DIAPH2: variants seen among roughly 807,000 people sequenced by gnomAD.
The protein encoded by DIAPH2 is diaphanous related formin 2, also known as protein diaphanous homolog 2.
Under a neutral mutation model 92.7 loss-of-function variants are expected in DIAPH2, and 35 were observed. The ratio of observed to expected loss-of-function variants is 0.38; its 90% CI spans 0.29 to 0.50. The LOEUF (loss-of-function observed/expected upper bound fraction) is 0.50. Ranked by LOEUF, DIAPH2 falls within the 20% of genes least tolerant of loss-of-function variation. The probability of loss-of-function intolerance (pLI) is 0.94; values close to 1 mark genes in which losing one functional copy is unlikely to be tolerated. For synonymous variants in DIAPH2, 301 were observed against 280.4 expected (o/e 1.07, Z -0.73); for missense variants, 701 against 819.5 (o/e 0.86, Z 1.77).
At chrX:97,403,158 G>T (rs1322258649) in intron 25 of DIAPH2, among the ~76,000 whole-genome samples, 2 of 111,923 alleles carry the variant, frequency 1.8e-5, no homozygotes, top group African/African-American at 6.5e-5. Context: ...AATGAGAGAA[G>T]CAAAATGTGC....
intron 22 of DIAPH2, among the ~76,000 whole-genome samples, chrX:97,198,317 C>CAT (rs1314085737): frequency 5.1e-5 from 5 of 98,315 alleles, no homozygotes; most frequent in African/African-American, 8.9e-5. Context: ...TGTGTATATA[C>CAT]ATATATATAT....
intron 21 of DIAPH2, among the ~76,000 whole-genome samples, chrX:97,131,486 T>G (rs1049790352): frequency 8.9e-6 from 1 of 111,769 alleles, no homozygotes; most frequent in Admixed American, 9.5e-5. Flanking sequence ...TTATCTACAG[T>G]GTATAGACAG....
At chrX:97,158,049 A>G (rs1425782296) in intron 22 of DIAPH2, among the ~76,000 whole-genome samples, 2 of 111,931 alleles carry the variant, frequency 1.8e-5, no homozygotes, top group East Asian at 5.6e-4. Context: ...AGTTTATTAT[A>G]TATCAAAAGA....
intron 17 of DIAPH2, among the ~76,000 whole-genome samples, chrX:97,025,351 C>CAAA (rs2066325044): frequency 1.0e-5 from 1 of 96,782 alleles, no homozygotes; most frequent in Non-Finnish European, 2.1e-5. Flanking sequence ...CTCTGTCTCA[C>CAAA]ACACAAAAAA....
intron 4 of DIAPH2, among the ~76,000 whole-genome samples, chrX:96,771,473 T>A (rs1013392160): frequency 1.8e-5 from 2 of 111,755 alleles, no homozygotes; most frequent in Non-Finnish European, 3.8e-5. Flanking sequence ...ACTGGATTGG[T>A]TTATTTTACT....
At chrX:96,939,631 C>T (rs1178883378) in intron 12 of DIAPH2, among the ~76,000 whole-genome samples, 1 of 79,157 alleles carries the variant, frequency 1.3e-5, no homozygotes, top group East Asian at 3.9e-4. Flanking sequence ...CACACACACA[C>T]ACACACAGGG....
At chrX:97,522,232 G>A (rs922091955) in intron 26 of DIAPH2, among the ~76,000 whole-genome samples, 1 of 112,124 alleles carries the variant, frequency 8.9e-6, no homozygotes, top group African/African-American at 3.2e-5. Flanking sequence ...TTCTATTCCT[G>A]TATGTGATAA....
intron 4 of DIAPH2, among the ~76,000 whole-genome samples, chrX:96,760,544 G>A (rs903853831): frequency 9.0e-6 from 1 of 110,776 alleles, no homozygotes; most frequent in African/African-American, 3.3e-5. Flanking sequence ...CATTTTCCCC[G>A]TTTAACACCT....
At chrX:97,547,712 G>C (rs1458549867) in intron 26 of DIAPH2, among the ~76,000 whole-genome samples, 1 of 111,636 alleles carries the variant, frequency 9.0e-6, no homozygotes, top group Non-Finnish European at 1.9e-5. Flanking sequence ...ACACTTTTTT[G>C]TATCAATGTG....
chrX:96,944,714 G>C (rs1479315536), intron 13 of DIAPH2, among the ~76,000 whole-genome samples: 1 of 111,628 alleles, frequency 9.0e-6, no homozygotes, highest in Non-Finnish European at 1.9e-5. Flanking sequence ...TGTATCAATA[G>C]TTCATTCCTT....
intron 4 of DIAPH2, among the ~76,000 whole-genome samples, chrX:96,805,451 T>A (rs1359462369): frequency 9.0e-6 from 1 of 111,044 alleles, no homozygotes; most frequent in Non-Finnish European, 1.9e-5. Flanking sequence ...TTTTTTTACT[T>A]GTTTCTCACT....
intron 23 of DIAPH2, among the ~76,000 whole-genome samples, chrX:97,271,465 C>T (rs1306388066): frequency 9.0e-6 from 1 of 111,468 alleles, no homozygotes; most frequent in African/African-American, 3.3e-5. Flanking sequence ...TGAAAGACAG[C>T]AAGGTAATTC....
At chrX:97,407,060 A>G (rs867856885) in intron 25 of DIAPH2, among the ~76,000 whole-genome samples, 1 of 111,860 alleles carries the variant, frequency 8.9e-6, no homozygotes, top group Non-Finnish European at 1.9e-5. Flanking sequence ...ATCTTTTAAT[A>G]TAATTAGCAG....
At chrX:97,304,032 A>G (rs2068727159) in intron 23 of DIAPH2, among the ~76,000 whole-genome samples, 1 of 111,928 alleles carries the variant, frequency 8.9e-6, no homozygotes, top group African/African-American at 3.2e-5. Context: ...TCAGGGGGAG[A>G]AAAAAATCAA....
chrX:96,866,734 T>C (rs1348208424), intron 4 of DIAPH2, among the ~76,000 whole-genome samples: 1 of 112,172 alleles, frequency 8.9e-6, no homozygotes, highest in East Asian at 2.8e-4. Context: ...AGATTACTGA[T>C]TATATTACTT....
intron 17 of DIAPH2, among the ~76,000 whole-genome samples, chrX:97,011,565 T>C (rs1273966745): frequency 4.5e-5 from 5 of 111,500 alleles, no homozygotes; most frequent in Non-Finnish European, 9.4e-5. Flanking sequence ...ATGTTTTACA[T>C]TGGAAGCAAT....
chrX:97,282,379 G>A (rs1221833384), intron 23 of DIAPH2, among the ~76,000 whole-genome samples: 2 of 111,567 alleles, frequency 1.8e-5, no homozygotes, highest in Non-Finnish European at 3.8e-5. Context: ...CTGCAACCTC[G>A]GCTCACTGCA....
chrX:97,187,281 C>CTTTATTT, intron 22 of DIAPH2, among the ~76,000 whole-genome samples: 1 of 36,889 alleles, frequency 2.7e-5, no homozygotes, highest in Non-Finnish European at 4.4e-5. Flanking sequence ...ATTAAGTAGC[C>CTTTATTT]TTTTTTTTTT....
intron 5 of DIAPH2, among the ~76,000 whole-genome samples, chrX:96,889,648 G>T (rs182291938): frequency 2.9e-4 from 32 of 111,704 alleles, no homozygotes; most frequent in Non-Finnish European, 1.9e-5. Flanking sequence ...TTCCAGTACA[G>T]GAATTCAGAC....
Sources: gnomAD v4.1 joint callset for allele counts (sites outside exome capture counted in the v4.1 genomes callset) on GRCh38, gnomAD v4.1.1 for gene constraint, MANE v1.5 for transcripts, NCBI Gene and HGNC (gene_info 2026-07-23, HGNC 2026-07-21) for gene names.